ARID5B: variants seen among roughly 807,000 people sequenced by gnomAD.
The protein encoded by ARID5B is AT-rich interaction domain 5B.
Under a neutral mutation model 97.2 loss-of-function variants are expected in ARID5B, and 13 were observed. The observed-to-expected ratio is 0.13, with a 90% confidence interval of 0.09 to 0.21. The LOEUF is 0.21. ARID5B is among the 10% of genes least tolerant of loss of function. The probability of loss-of-function intolerance (pLI) is 1.00; values close to 1 mark genes in which losing one functional copy is unlikely to be tolerated. For missense variants in ARID5B, 1,210 were observed against 1,465.3 expected (o/e 0.83, Z 2.84); for synonymous variants, 556 against 570.3 (o/e 0.97, Z 0.36).
At chr10:62,086,602 A>G (rs7914048) in intron 9 of ARID5B, among the ~76,000 whole-genome samples, 131,149 of 150,912 alleles carry the variant, frequency 0.87, 57,108 homozygotes, top group Middle Eastern at 0.95. Flanking sequence ...TTGGGAGGCC[A>G]AGGCAGGAGA....
At chr10:61,958,792 G>C (rs1291539467) in intron 3 of ARID5B, among the ~76,000 whole-genome samples, 2 of 152,220 alleles carry the variant, frequency 1.3e-5, no homozygotes, top group Non-Finnish European at 2.9e-5. Context: ...TAAGTGCATA[G>C]TGGTTCATTT....
chr10:62,039,507 CATGT>C (rs201399014), intron 4 of ARID5B, among the ~76,000 whole-genome samples: 1,718 of 152,238 alleles, frequency 0.011, 36 homozygotes, highest in African/African-American at 0.039. Context: ...TTTTGATTGG[CATGT>C]AGTGTTTGGA....
chr10:62,060,124 G>C (rs1045665688), intron 7 of ARID5B, among the ~76,000 whole-genome samples: 1 of 152,130 alleles, frequency 6.6e-6, no homozygotes, highest in South Asian at 2.1e-4. Context: ...TTCATTCCCT[G>C]AGAAGTAATC....
At chr10:61,979,118 G>C (rs1012705628) in intron 3 of ARID5B, among the ~76,000 whole-genome samples, 1,599 of 152,270 alleles carry the variant, frequency 0.011, 6 homozygotes, top group Middle Eastern at 0.027. Context: ...CGGGAGACCC[G>C]AGTACACATG....
In ARID5B at chr10:62,091,561, A is replaced by G; in HGVS notation, c.2098A>G (p.Ser700Gly). The G allele has an allele frequency of 1.9e-6, 3 of 1,612,956 alleles. No homozygotes were observed. Among genetic ancestry groups the G allele is most frequent in the Non-Finnish European group, 1.7e-6 (2 of 1,179,576 alleles). The change falls in exon 10 of 10, where the codon AGT becomes GGT. Residue 700 changes from serine (S) to glycine (G), a missense_variant. Physicochemically the swap from Ser to Gly is moderately conservative, Grantham distance 56 (BLOSUM62 0). Around this residue, in one of 8 missense-constraint regions of ARID5B, gnomAD observed 800 missense variants for 839.1 expected, o/e 0.95. Coordinates refer to ENST00000279873, the MANE Select transcript of ARID5B (RefSeq NM_032199.3). ...CAAGAAAAAGCTTTTGTCCCAAGTG[A>G]GTGGGGCCAGCCTCTCCAGCAGCTA... ...LAKKKLLSQV[S>G]GASLSSSYPY...
At chr10:61,984,568 C>G (rs542273016) in intron 3 of ARID5B, among the ~76,000 whole-genome samples, 65 of 152,160 alleles carry the variant, frequency 4.3e-4, no homozygotes, top group African/African-American at 1.5e-3. Context: ...GTGGGGGGGG[C>G]CTCAGTCAGC....
intron 3 of ARID5B, among the ~76,000 whole-genome samples, chr10:61,981,984 A>C (rs1838783275): frequency 6.6e-6 from 1 of 152,206 alleles, no homozygotes; most frequent in African/African-American, 2.4e-5. Flanking sequence ...TATAAGACAA[A>C]TGGCATTTTA....
chr10:62,004,830 G>A (rs1839126043), intron 4 of ARID5B, among the ~76,000 whole-genome samples: 1 of 152,146 alleles, frequency 6.6e-6, no homozygotes, highest in African/African-American at 2.4e-5. Flanking sequence ...CCAAACAGAG[G>A]CACACTCAGT....
Position 62,014,630 on chromosome 10 carries a change from C to T in ARID5B, c.733+14309C>T, listed in dbSNP as rs368252901. 1.2e-4 allele frequency among the ~76,000 whole-genome samples: 19 copies of T among 152,214 alleles called. No individual in the cohort carries two copies. The East Asian group carries it at 3.5e-3, about 28-fold the overall frequency. On this transcript the variant is annotated intron_variant, in intron 4 of 9. Coordinates refer to ENST00000279873, the MANE Select transcript of ARID5B (RefSeq NM_032199.3). ...CTATGTTCTGAATATGACCCTCATA[C>T]AAAATAGGGAGCTTCCATGACTCAG...
chr10:61,945,018 C>G (rs1484405552), intron 3 of ARID5B, among the ~76,000 whole-genome samples: 1 of 152,188 alleles, frequency 6.6e-6, no homozygotes, highest in Non-Finnish European at 1.5e-5. Flanking sequence ...CCCCTTTCTT[C>G]TGTTGCTGGG....
chr10:62,050,476 C>T (rs1839772044), intron 4 of ARID5B, among the ~76,000 whole-genome samples: 1 of 152,102 alleles, frequency 6.6e-6, no homozygotes, highest in African/African-American at 2.4e-5. Context: ...TACTATGATA[C>T]CATAAGGGCA....
chr10:61,904,174 G>A (rs1843670336), intron 2 of ARID5B, among the ~76,000 whole-genome samples: 1 of 151,744 alleles, frequency 6.6e-6, no homozygotes, highest in East Asian at 1.9e-4. Flanking sequence ...GAAAAGGGAA[G>A]GATTAAATAT....
intron 8 of ARID5B, among the ~76,000 whole-genome samples, chr10:62,081,088 C>T (rs1840207978): frequency 6.6e-6 from 1 of 152,214 alleles, no homozygotes; most frequent in Admixed American, 6.5e-5. Context: ...CAGGCGTGAG[C>T]TACCACACTT....
intron 5 of ARID5B, among the ~76,000 whole-genome samples, chr10:62,056,057 T>G (rs1009457415): frequency 2.6e-5 from 4 of 152,196 alleles, no homozygotes; most frequent in Non-Finnish European, 5.9e-5. Flanking sequence ...ACTCAGAGTC[T>G]GACCCTTTGT....
chr10:62,017,374 T>C (rs983867784), intron 4 of ARID5B, among the ~76,000 whole-genome samples: 1 of 151,812 alleles, frequency 6.6e-6, no homozygotes, highest in East Asian at 1.9e-4. Context: ...ATTGCTTGAA[T>C]CTGGGCATCG....
At chr10:61,926,406 GT>G (rs1053828143) in intron 2 of ARID5B, among the ~76,000 whole-genome samples, 23 of 151,940 alleles carry the variant, frequency 1.5e-4, no homozygotes, top group African/African-American at 5.1e-4. Flanking sequence ...TTCCACTTCA[GT>G]TTTTTCATCT....
At chr10:62,019,676 A>G (rs899965139) in intron 4 of ARID5B, among the ~76,000 whole-genome samples, 2 of 152,200 alleles carry the variant, frequency 1.3e-5, no homozygotes, top group East Asian at 3.8e-4. Flanking sequence ...ATGTAATTTT[A>G]GTTTGTGCTC....
At chr10:62,057,491 G>A (rs1034873028) in intron 6 of ARID5B, among the ~76,000 whole-genome samples, 173 bp downstream of exon 6, 2 of 151,998 alleles carry the variant, frequency 1.3e-5, no homozygotes, top group African/African-American at 2.4e-5. Context: ...GCCTTTTTCC[G>A]CTACATTGTT....
In ARID5B at chr10:62,093,676, T is replaced by TA. The variant is rs1312120932; in HGVS notation, c.*646_*647insA. ...CTTTTTTTTTTTTTTTTTTTTTTTT[T>TA]TTATTAAATGGTATTGCTTTTGTTT... is the stretch of plus-strand genomic sequence containing the variant. On this transcript the variant is annotated 3_prime_UTR_variant, in exon 10 of 10. Transcript: ENST00000279873. 10 of 227,488 alleles carry TA rather than the reference T, an allele frequency of 4.4e-5. No homozygotes were observed. In the East Asian group the frequency reaches 4.9e-4, roughly 11 times the overall value. 14.1% of individuals were successfully genotyped at this position (227,488 alleles called of 1,614,324 possible). A position where few individuals can be genotyped will look rare whatever the true frequency, so the allele number is the denominator to read the frequency against.
Sources: gnomAD v4.1 joint callset for allele counts (sites outside exome capture counted in the v4.1 genomes callset) on GRCh38, gnomAD v4.1.1 for gene constraint, gnomAD v4.1.1 regional missense constraint, MANE v1.5 for transcripts, NCBI Gene and HGNC (gene_info 2026-07-23, HGNC 2026-07-21) for gene names.